TMPRSS11D: variants seen among roughly 807,000 people sequenced by gnomAD.
TMPRSS11D encodes the protein transmembrane protease serine 11D.
A neutral mutation model predicts 44.4 loss-of-function variants in TMPRSS11D; 32 were observed. That is an observed-to-expected ratio of 0.72 (90% CI 0.54 to 0.97). TMPRSS11D has a LOEUF of 0.97. TMPRSS11D is among the 50% of genes least tolerant of loss of function. The pLI is 0.00. For synonymous variants in TMPRSS11D, 179 were observed against 177.9 expected (o/e 1.01, Z -0.05); for missense variants, 446 against 502.6 (o/e 0.89, Z 1.08).
chr4:67,857,069 G>T (rs1307195591), intron 2 of TMPRSS11D, among the ~76,000 whole-genome samples: 1 of 151,918 alleles, frequency 6.6e-6, no homozygotes, highest in Non-Finnish European at 1.5e-5. Context: ...ATGGAAAACG[G>T]TATTGAGATT....
At chr4:67,877,146 AT>A (rs1205142267) in intron 1 of TMPRSS11D, among the ~76,000 whole-genome samples, 2 of 152,130 alleles carry the variant, frequency 1.3e-5, no homozygotes, top group Admixed American at 1.3e-4. Context: ...AAAATATTCT[AT>A]AATTAAAAAA....
chr4:67,825,740 C>A lies in TMPRSS11D; in HGVS notation c.1087G>T (p.Ala363Ser), dbSNP rs377401556. ...GATTGTCTTGAGCTTACCTGACATG[C>A]GTCCACTCCACCTTGAGGTACTCCA... is the stretch of plus-strand genomic sequence containing the variant. Reference protein sequence around the residue: ...CAGVPQGGVDACQGDSGGPLV... With the variant: ...CAGVPQGGVDSCQGDSGGPLV... Residue 363 changes from alanine (A) to serine (S), a missense_variant, in exon 9 of 10, where the codon GCA becomes TCA. By Grantham distance (99) the Ala-to-Ser change is moderately conservative. Transcript: ENST00000283916. 1.2e-6 allele frequency: 2 copies of A among 1,612,630 alleles called. No homozygotes were observed. Among genetic ancestry groups the A allele is most frequent in the Middle Eastern group, 1.7e-4 (1 of 6,050 alleles).
intron 1 of TMPRSS11D, among the ~76,000 whole-genome samples, chr4:67,861,415 G>A (rs1718788910): frequency 6.6e-6 from 1 of 152,134 alleles, no homozygotes; most frequent in African/African-American, 2.4e-5. Context: ...TGGCTGCTGA[G>A]TAGTGAAAGA....
intron 1 of TMPRSS11D, among the ~76,000 whole-genome samples, chr4:67,880,628 A>G (rs748593809): frequency 2.6e-5 from 4 of 152,080 alleles, no homozygotes; most frequent in Non-Finnish European, 5.9e-5. Context: ...TTATTTATTT[A>G]TAATTTTTAA....
intron 4 of TMPRSS11D, among the ~76,000 whole-genome samples, chr4:67,839,820 C>T (rs1718186009): frequency 6.8e-6 from 1 of 146,840 alleles, no homozygotes; most frequent in East Asian, 2.0e-4. Context: ...CTCCCAGAAC[C>T]TTTTTTTTTT....
intron 2 of TMPRSS11D, among the ~76,000 whole-genome samples, chr4:67,854,713 G>A (rs1032088977): frequency 7.9e-5 from 12 of 151,984 alleles, no homozygotes; most frequent in Admixed American, 3.9e-4. Flanking sequence ...TCATCAAAAG[G>A]CACCTTGCAA....
Position 67,845,175 on chromosome 4 carries a change from T to A in TMPRSS11D, c.250-2550A>T, listed in dbSNP as rs542734055. ...GTAAGGACTAAGATAATAAGCAACATAAAGAAAGCAAGTTGATTAATTGGT... is the reference window on the plus strand; with the variant it reads ...GTAAGGACTAAGATAATAAGCAACAAAAAGAAAGCAAGTTGATTAATTGGT... On this transcript the variant is annotated intron_variant, in intron 3 of 9. Transcript: ENST00000283916. 2.0e-5 allele frequency among the ~76,000 whole-genome samples: 3 copies of A among 152,148 alleles called. No individual in the cohort carries two copies. The South Asian group carries it at 6.2e-4, about 32-fold the overall frequency.
chr4:67,842,645 G>C lies in TMPRSS11D; in HGVS notation c.250-20C>G. The C allele has an allele frequency of 6.3e-7, 1 of 1,581,802 alleles. No individual in the cohort carries two copies. The highest frequency in any genetic ancestry group is 1.4e-5 in the African/African-American group (1 of 73,906). On this transcript the variant is annotated intron_variant, in intron 3 of 9. Coordinates refer to ENST00000283916, the MANE Select transcript of TMPRSS11D (RefSeq NM_004262.3). ...AGTAATCTGTAGAAAGAAAGAGAGG[G>C]GGAATCTCTCTGTAAATACAGTTCT...
chr4:67,874,382 C>T (rs1358282639), intron 1 of TMPRSS11D, among the ~76,000 whole-genome samples: 10 of 152,040 alleles, frequency 6.6e-5, no homozygotes, highest in Admixed American at 4.6e-4. Flanking sequence ...ATTTGTAATG[C>T]GCAATAGAAA....
At position 67,881,211 on chromosome 4, in the gene TMPRSS11D, G is replaced by A. The variant is rs148531238; in HGVS notation, c.8+2715C>T. On this transcript the variant is annotated intron_variant, in intron 1 of 9. Transcript: ENST00000283916. The stretch of plus-strand genomic sequence containing the variant: ...AATATTGAATGAATCCCTTCCTTAT[G>A]ACTTATTTTAGGGGTGCCAGTCATA... 3.7e-3 allele frequency among the ~76,000 whole-genome samples: 569 copies of A among 152,268 alleles called. 6 individuals are homozygous for A. Among genetic ancestry groups the A allele is most frequent in the African/African-American group, 0.013 (533 of 41,544 alleles).
At chr4:67,852,133 T>C (rs1271005926) in intron 3 of TMPRSS11D, among the ~76,000 whole-genome samples, 1 of 152,174 alleles carries the variant, frequency 6.6e-6, no homozygotes, top group Non-Finnish European at 1.5e-5. Context: ...AAGGTGTTGG[T>C]TGAGAGCACC....
intron 3 of TMPRSS11D, among the ~76,000 whole-genome samples, chr4:67,843,624 G>C (rs924413014): frequency 2.0e-5 from 3 of 152,122 alleles, no homozygotes; most frequent in African/African-American, 7.2e-5. Context: ...ACTGTGCCTG[G>C]CTCAGTTAAT....
chr4:67,824,211 A>G (rs1717727950), intron 9 of TMPRSS11D, among the ~76,000 whole-genome samples: 2 of 151,418 alleles, frequency 1.3e-5, no homozygotes, highest in African/African-American at 4.9e-5. Context: ...CTAGAGTGGA[A>G]TATACATGGA....
At chr4:67,830,281 A>T (rs533978192) in intron 7 of TMPRSS11D, among the ~76,000 whole-genome samples, 1 of 152,208 alleles carries the variant, frequency 6.6e-6, no homozygotes, top group African/African-American at 2.4e-5. Context: ...AGTATGAGGC[A>T]TATGGGTGGA....
intron 2 of TMPRSS11D, among the ~76,000 whole-genome samples, chr4:67,857,897 C>T (rs996258511): frequency 6.6e-6 from 1 of 152,112 alleles, no homozygotes; most frequent in African/African-American, 2.4e-5. Context: ...GATAAATACT[C>T]AAAGGGCTGT....
chr4:67,849,951 G>A (rs1027260338), intron 3 of TMPRSS11D, among the ~76,000 whole-genome samples: 5 of 152,038 alleles, frequency 3.3e-5, no homozygotes, highest in African/African-American at 1.2e-4. Flanking sequence ...AATTTTTATG[G>A]CATTGTATTA....
At chr4:67,835,000 T>A in intron 6 of TMPRSS11D, 83 bp downstream of exon 6, 2 of 1,306,314 alleles carry the variant, frequency 1.5e-6, no homozygotes, top group Non-Finnish European at 2.2e-6. Context: ...AGATACTGCC[T>A]TGGCCAAAAG....
At chr4:67,861,301 T>G (rs1718786403) in intron 1 of TMPRSS11D, among the ~76,000 whole-genome samples, 1 of 152,136 alleles carries the variant, frequency 6.6e-6, no homozygotes, top group African/African-American at 2.4e-5. Context: ...TGCTAACTAT[T>G]TGAGTTTCAG....
chr4:67,882,466 T>C (rs554628433), intron 1 of TMPRSS11D, among the ~76,000 whole-genome samples: 2 of 152,152 alleles, frequency 1.3e-5, no homozygotes, highest in Non-Finnish European at 2.9e-5. Context: ...GTGTCAAATT[T>C]CCTGTACAAT....
Sources: allele counts gnomAD v4.1 joint callset (sites outside exome capture counted in the v4.1 genomes callset), GRCh38; gene constraint gnomAD v4.1.1; transcripts MANE v1.5; gene names NCBI Gene and HGNC (gene_info 2026-07-23, HGNC 2026-07-21).